The following MICU3 variants were observed in gnomAD, a reference collection of about 807,000 sequenced individuals.
MICU3 encodes the protein calcium uptake protein 3, mitochondrial.
Under a neutral mutation model 66.5 loss-of-function variants are expected in MICU3, and 62 were observed. The observed-to-expected ratio is 0.93, with a 90% CI of 0.76 to 1.15. MICU3 has a LOEUF of 1.15. Among genes scored for constraint, MICU3 ranks in the 50% most tolerant of loss-of-function variants. The pLI is 0.00. For synonymous variants in MICU3, 308 were observed against 240.7 expected (o/e 1.28, Z -2.59); for missense variants, 779 against 664.4 (o/e 1.17, Z -1.90).
At chr8:17,111,349 G>A (rs2150826433) in intron 11 of MICU3, among the ~76,000 whole-genome samples, 1 of 151,492 alleles carries the variant, frequency 6.6e-6, no homozygotes, top group South Asian at 2.1e-4. Flanking sequence ...TACAGACAGG[G>A]TCTCACTCTG....
chr8:17,114,038 G>GGTGGTAGTCGA, intron 11 of MICU3, 55 bp from the exon 12 acceptor site: 1 of 1,163,078 alleles, frequency 8.6e-7, no homozygotes, highest in Non-Finnish European at 1.3e-6. Flanking sequence ...TGTAGATCCT[G>GGTGGTAGTCGA]ATTTTAATAA....
At chr8:17,111,723 T>G (rs1460993520) in intron 11 of MICU3, among the ~76,000 whole-genome samples, 1 of 152,224 alleles carries the variant, frequency 6.6e-6, no homozygotes, top group Non-Finnish European at 1.5e-5. Context: ...CTAGCTTCTT[T>G]CTTTTGCATG....
the MICU3 span, among the ~76,000 whole-genome samples, chr8:17,129,204 C>T: frequency 1.3e-5 from 2 of 152,194 alleles, no homozygotes; most frequent in East Asian, 3.9e-4. Context: ...CACAGGAAGA[C>T]AGCAAATTCC....
At chr8:17,046,952 A>G (rs1563288323) in intron 1 of MICU3, among the ~76,000 whole-genome samples, 1 of 152,106 alleles carries the variant, frequency 6.6e-6, no homozygotes, top group Non-Finnish European at 1.5e-5. Flanking sequence ...ACTTCTTTGG[A>G]AGGAAAAGCC....
At chr8:17,124,943 T>C (rs532833564), downstream of MICU3, among the ~76,000 whole-genome samples, 1 of 152,290 alleles carries the variant, frequency 6.6e-6, no homozygotes, top group African/African-American at 2.4e-5. Context: ...CAAATTAATG[T>C]ACCTTGATAA....
intron 8 of MICU3, among the ~76,000 whole-genome samples, chr8:17,096,123 C>A (rs1388015260): frequency 1.3e-5 from 2 of 151,866 alleles, no homozygotes; most frequent in Non-Finnish European, 2.9e-5. Context: ...ACAAAGATAA[C>A]CGAGAAAACT....
intron 5 of MICU3, among the ~76,000 whole-genome samples, chr8:17,084,531 A>C (rs368121083): frequency 5.3e-5 from 8 of 152,180 alleles, no homozygotes; most frequent in African/African-American, 1.7e-4. Flanking sequence ...TGTTTTGAGA[A>C]GGGCACGTCC....
At chr8:17,111,664 A>G (rs1399442217) in intron 11 of MICU3, among the ~76,000 whole-genome samples, 2 of 152,152 alleles carry the variant, frequency 1.3e-5, no homozygotes, top group Non-Finnish European at 2.9e-5. Context: ...TAAATTTAGA[A>G]CTTTGATCTG....
chr8:17,102,773 G>T (rs1801380925), intron 9 of MICU3: 1 of 151,702 alleles, frequency 6.6e-6, no homozygotes, highest in Non-Finnish European at 1.5e-5. Flanking sequence ...TTTCCTCCCG[G>T]CAAACAGATC....
chr8:17,075,302 G>T (rs1820213586), intron 3 of MICU3, among the ~76,000 whole-genome samples: 1 of 152,072 alleles, frequency 6.6e-6, no homozygotes, highest in African/African-American at 2.4e-5. Context: ...TTGAATTATT[G>T]GCTGTGTGAT....
chr8:17,054,778 C>T (rs1322798370), intron 1 of MICU3, among the ~76,000 whole-genome samples: 3 of 131,018 alleles, frequency 2.3e-5, no homozygotes, highest in East Asian at 5.0e-4. Context: ...CTTGCTCTGT[C>T]GCCAGGCTGG....
chr8:17,038,291 G>A (rs1010651051), intron 1 of MICU3, among the ~76,000 whole-genome samples: 1 of 152,104 alleles, frequency 6.6e-6, no homozygotes, highest in Non-Finnish European at 1.5e-5. Flanking sequence ...TGAATCGTGG[G>A]GGTGGGTTTT....
chr8:17,071,418 C>T (rs1332970587), intron 3 of MICU3, among the ~76,000 whole-genome samples: 1 of 152,108 alleles, frequency 6.6e-6, no homozygotes, highest in East Asian at 1.9e-4. Context: ...GTCCTAATCT[C>T]TTCTTATAAG....
At chr8:17,133,808 G>C in the MICU3 span, among the ~76,000 whole-genome samples, 2 of 152,078 alleles carry the variant, frequency 1.3e-5, no homozygotes, top group African/African-American at 4.8e-5. Flanking sequence ...TATTTAAAAA[G>C]ATTTTTACAT....
Position 17,027,409 on chromosome 8 carries a change from T to C in MICU3, c.130T>C (p.Ser44Pro). 1.4e-6 allele frequency: 2 copies of C among 1,412,794 alleles called. No individual in the cohort carries two copies. The highest frequency in any genetic ancestry group is 1.8e-6 in the Non-Finnish European group (2 of 1,090,630). The allele number at this position is 1,412,794 out of a possible 1,614,324, so 87.5% of individuals were successfully genotyped here. A position where few individuals can be genotyped will look rare whatever the true frequency, so the allele number is the denominator to read the frequency against. ...CCTGGGCCTTCCTGGCCGGCCCTTC[T>C]CCTCCCGAGAGGATGAGGAGAGGGC... is the stretch of plus-strand genomic sequence containing the variant. ...TTLGLPGRPF[S>P]SREDEERAVA... The change falls in exon 1 of 15, where the codon TCC (serine) becomes CCC (proline). Residue 44 changes from serine (S) to proline (P), a missense_variant. Physicochemically the swap from Ser to Pro is moderately conservative, Grantham distance 74. Transcript: ENST00000318063.
chr8:17,106,527 A>G (rs1801753847), intron 11 of MICU3, among the ~76,000 whole-genome samples: 1 of 145,166 alleles, frequency 6.9e-6, no homozygotes. Context: ...CTGAGGTATT[A>G]CTTAGGGACT....
chr8:17,072,699 T>C (rs984940182), intron 3 of MICU3, among the ~76,000 whole-genome samples: 4 of 152,000 alleles, frequency 2.6e-5, no homozygotes, highest in African/African-American at 9.7e-5. Context: ...TAGACAAATA[T>C]GCCTACAATG....
the MICU3 span, among the ~76,000 whole-genome samples, chr8:17,129,842 G>T: frequency 1.1e-4 from 16 of 152,200 alleles, 1 homozygote; most frequent in East Asian, 1.9e-3. Context: ...TAATTAAATG[G>T]CTAGAAAGCA....
intron 1 of MICU3, among the ~76,000 whole-genome samples, chr8:17,035,869 A>T (rs1272721387): frequency 2.0e-5 from 3 of 152,202 alleles, no homozygotes; most frequent in Non-Finnish European, 4.4e-5. Flanking sequence ...GCCAAATGTT[A>T]GTCACCAAGA....
Sources: gnomAD v4.1 joint callset for allele counts (sites outside exome capture counted in the v4.1 genomes callset) on GRCh38, gnomAD v4.1.1 for gene constraint, MANE v1.5 for transcripts, NCBI Gene and HGNC (gene_info 2026-07-23, HGNC 2026-07-21) for gene names.